Variants in MAP2K5 observed in about 807,000 individuals in gnomAD.
MAP2K5 encodes the protein dual specificity mitogen-activated protein kinase kinase 5.
A neutral mutation model predicts 83.1 loss-of-function variants in MAP2K5; 49 were observed. The ratio of observed to expected loss-of-function variants is 0.59; its 90% CI spans 0.47 to 0.75. The LOEUF is 0.75. Ranked by LOEUF, MAP2K5 falls within the 30% of genes least tolerant of loss-of-function variation. The pLI is 0.00. For missense variants in MAP2K5, 457 were observed against 557.5 expected, an observed-to-expected ratio of 0.82 and a Z score of 1.82; for synonymous variants, 202 against 191.8, an observed-to-expected ratio of 1.05 and a Z score of -0.44.
intron 21 of MAP2K5, among the ~76,000 whole-genome samples, chr15:67,803,683 G>A (rs58551615): frequency 3.9e-5 from 6 of 152,146 alleles, no homozygotes; most frequent in Non-Finnish European, 8.8e-5. Flanking sequence ...GGAGGAGGGG[G>A]AGTCAGTGAC....
chr15:67,610,525 G>C (rs890393196), intron 8 of MAP2K5, among the ~76,000 whole-genome samples: 6 of 152,102 alleles, frequency 3.9e-5, no homozygotes, highest in Non-Finnish European at 8.8e-5. Flanking sequence ...ATAGCATCTA[G>C]GGTATTTACT....
At chr15:67,655,822 C>A (rs1161014641) in intron 11 of MAP2K5, among the ~76,000 whole-genome samples, 1 of 152,090 alleles carries the variant, frequency 6.6e-6, no homozygotes. Flanking sequence ...TACCTTTTCT[C>A]CTCTCTTTCT....
intron 17 of MAP2K5, among the ~76,000 whole-genome samples, chr15:67,731,795 C>T (rs1402112368): frequency 1.3e-5 from 2 of 152,148 alleles, no homozygotes; most frequent in South Asian, 2.1e-4. Flanking sequence ...CTTCTTAATT[C>T]GTTTGGCTAT....
At chr15:67,626,453 G>A (rs1350612361) in intron 8 of MAP2K5, among the ~76,000 whole-genome samples, 1 of 152,156 alleles carries the variant, frequency 6.6e-6, no homozygotes, top group African/African-American at 2.4e-5. Context: ...CTTGAACCTG[G>A]GTTTCGGAGG....
rs1356229889 is a variant in MAP2K5 at position 67,775,571 on chromosome 15, T to C, written c.1242+2819T>C. Among the ~76,000 whole-genome samples the C allele has an allele frequency of 6.6e-6, 1 of 152,180 alleles. No homozygotes were observed. Among genetic ancestry groups the C allele is most frequent in the Non-Finnish European group, 1.5e-5 (1 of 68,038 alleles). On this transcript the variant is annotated intron_variant, in intron 21 of 21. Transcript: ENST00000178640. The surrounding 1 kb of genome is among the most constrained non-coding windows in gnomAD (Gnocchi z 5.3). ...CTTGTTCTAGACTCAGCAGAAGATA[T>C]AAAGTAGAGGAAGCCACACAGATAA... is the stretch of plus-strand genomic sequence containing the variant.
At position 67,769,593 on chromosome 15, in the gene MAP2K5, CCAT is replaced by C. The variant is rs774993584; in HGVS notation, c.1135-6_1135-4del. 1 of 1,613,482 alleles carries C rather than the reference CCAT, an allele frequency of 6.2e-7. No individual in the cohort carries two copies. The highest frequency in any genetic ancestry group is 1.1e-5 in the South Asian group (1 of 91,050). ...TGACTTTTGGTGACATGTTTTTCCT[CCAT>C]CACAGGATTCGCCCGTCCTTCCAGT... On this transcript the variant is annotated splice_region_variant and splice_polypyrimidine_tract_variant and intron_variant, in intron 19 of 21. Transcript: ENST00000178640. The surrounding 1 kb of genome is among the most constrained non-coding windows in gnomAD (Gnocchi z 5.2).
intron 9 of MAP2K5, among the ~76,000 whole-genome samples, chr15:67,634,072 T>G (rs184767628): frequency 1.2e-3 from 187 of 151,960 alleles, no homozygotes; most frequent in Non-Finnish European, 4.4e-4. Flanking sequence ...CTTGTACACA[T>G]GAAAAGAATG....
At position 67,640,471 on chromosome 15, in the gene MAP2K5, C is replaced by A; in HGVS notation, c.586-5760C>A. 1 of 423,764 alleles carries A rather than the reference C, an allele frequency of 2.4e-6. No homozygotes were observed. The highest frequency in any genetic ancestry group is 3.2e-6 in the Non-Finnish European group (1 of 316,340). The allele number at this position is 423,764 out of a possible 1,614,324, so 26.3% of individuals were successfully genotyped here. On this transcript the variant is annotated intron_variant, in intron 9 of 21. Transcript: ENST00000178640. The surrounding 1 kb of genome is among the most constrained non-coding windows in gnomAD (Gnocchi z 4.6). ...TGTGACTTCAAGCATGTCACTTGAA[C>A]CTCCCAGTGACCTCAGCTGTGAAAC... is the stretch of plus-strand genomic sequence containing the variant.
rs142110803 is a variant in MAP2K5, at chr15:67,641,216, G to C, written c.586-5015G>C. 2.0e-5 allele frequency among the ~76,000 whole-genome samples: 3 copies of C among 152,272 alleles called. No homozygotes were observed. In the East Asian group the frequency reaches 5.8e-4, roughly 29 times the overall value. On this transcript the variant is annotated intron_variant, in intron 9 of 21. Transcript: ENST00000178640. ...AGGAAATTTCTTAGCATTGTATATT[G>C]CATGTGCCAATTATCATTCTTTGAC...
intron 1 of MAP2K5, 81 bp from the exon 2 acceptor site, chr15:67,549,953 C>G: frequency 9.9e-7 from 1 of 1,010,322 alleles, no homozygotes; most frequent in South Asian, 1.3e-5. Flanking sequence ...TTCCCAGGTT[C>G]TCATATTTCC....
At chr15:67,703,539 C>T in intron 16 of MAP2K5, 131 bp downstream of exon 16, 1 of 684,928 alleles carries the variant, frequency 1.5e-6, no homozygotes, top group Non-Finnish European at 2.4e-6. Flanking sequence ...CAGAGTTTGA[C>T]CATAAAGTCT....
At chr15:67,704,701 C>T (rs1217810358) in intron 16 of MAP2K5, among the ~76,000 whole-genome samples, 1 of 152,166 alleles carries the variant, frequency 6.6e-6, no homozygotes, top group African/African-American at 2.4e-5. Context: ...GGTCAGATCT[C>T]AGAACTGAGT....
chr15:67,608,987 A>G (rs2085845728), intron 8 of MAP2K5, among the ~76,000 whole-genome samples: 1 of 152,152 alleles, frequency 6.6e-6, no homozygotes, highest in Admixed American at 6.5e-5. Context: ...TTCACAGCCT[A>G]AGGATGGACA....
intron 3 of MAP2K5, among the ~76,000 whole-genome samples, chr15:67,564,291 G>GA (rs1466083673): frequency 6.6e-6 from 1 of 152,134 alleles, no homozygotes; most frequent in East Asian, 1.9e-4. Context: ...GAATAGATGT[G>GA]AAAGCCCTTT....
At chr15:67,771,034 G>A (rs956142226) in intron 20 of MAP2K5, among the ~76,000 whole-genome samples, 1 of 152,092 alleles carries the variant, frequency 6.6e-6, no homozygotes, top group Non-Finnish European at 1.5e-5. Context: ...CTGGAATCCT[G>A]AGCTGTTTTG....
intron 3 of MAP2K5, among the ~76,000 whole-genome samples, chr15:67,576,634 CG>C (rs2085069816): frequency 6.8e-6 from 1 of 147,422 alleles, no homozygotes; most frequent in East Asian, 2.0e-4. Context: ...TATTGATTAT[CG>C]CTGCAGTTAC....
Position 67,610,589 on chromosome 15 carries a change from C to T in MAP2K5, c.545+9840C>T, listed in dbSNP as rs533133299. Among the ~76,000 whole-genome samples the T allele has an allele frequency of 4.6e-5, 7 of 152,174 alleles. No individual in the cohort carries two copies. In the South Asian group the frequency reaches 8.3e-4, roughly 18 times the overall value. On this transcript the variant is annotated intron_variant, in intron 8 of 21. Coordinates refer to ENST00000178640, the MANE Select transcript of MAP2K5 (RefSeq NM_145160.3). ...TGGAAAGTCCAAAAGGCATTTACCG[C>T]GTATAACTTTCTGCCACAGTTTTTT...
intron 13 of MAP2K5, among the ~76,000 whole-genome samples, chr15:67,684,571 A>G (rs2087902453): frequency 6.6e-6 from 1 of 152,120 alleles, no homozygotes; most frequent in Non-Finnish European, 1.5e-5. Context: ...CAAGCAAAGA[A>G]TTTTTCTTCT....
chr15:67,752,135 C>T lies in MAP2K5; in HGVS notation c.1134+3534C>T, dbSNP rs190885276. 1.1e-4 allele frequency among the ~76,000 whole-genome samples: 17 copies of T among 152,066 alleles called. 1 individual carries two copies. Among genetic ancestry groups the T allele is most frequent in the East Asian group, 5.9e-4 (3 of 5,108 alleles). The stretch of plus-strand genomic sequence containing the variant: ...GGCTGGAGTGGAGTGGCACAACCTC[C>T]GCTCACGGCAACCTCTGCCTTCTGG... On this transcript the variant is annotated intron_variant, in intron 19 of 21. Transcript: ENST00000178640.
Sources: allele counts gnomAD v4.1 joint callset (sites outside exome capture counted in the v4.1 genomes callset), GRCh38; gene constraint gnomAD v4.1.1; non-coding constraint Gnocchi (gnomAD v3.1); transcripts MANE v1.5; gene names NCBI Gene and HGNC (gene_info 2026-07-23, HGNC 2026-07-21).